PLEKHA8: variants seen among roughly 807,000 people sequenced by gnomAD.
PLEKHA8 encodes pleckstrin homology domain containing A8.
Under a neutral mutation model 68.2 loss-of-function variants are expected in PLEKHA8, and 36 were observed. The observed-to-expected ratio is 0.53, with a 90% CI of 0.40 to 0.70. The LOEUF (loss-of-function observed/expected upper bound fraction) is 0.70. PLEKHA8 is among the 30% of genes least tolerant of loss of function. The pLI is 0.00. For missense variants in PLEKHA8, 505 were observed against 615.4 expected (o/e 0.82, Z 1.90); for synonymous variants, 211 against 216.1 (o/e 0.98, Z 0.20).
At chr7:30,110,405 T>A (rs931517781) in intron 13 of PLEKHA8, among the ~76,000 whole-genome samples, 1 of 152,226 alleles carries the variant, frequency 6.6e-6, no homozygotes, top group African/African-American at 2.4e-5. Context: ...GGTGTTGTGT[T>A]GATCCATTCA....
At chr7:30,087,035 T>C (rs1795210379), downstream of PLEKHA8, among the ~76,000 whole-genome samples, 1 of 152,240 alleles carries the variant, frequency 6.6e-6, no homozygotes, top group Non-Finnish European at 1.5e-5. Flanking sequence ...GTGAATGCAT[T>C]GTCCTCAGAG....
intron 13 of PLEKHA8, among the ~76,000 whole-genome samples, chr7:30,125,432 A>G (rs1796756617): frequency 6.6e-6 from 1 of 152,244 alleles, no homozygotes; most frequent in African/African-American, 2.4e-5. Context: ...TTGGAAGCCA[A>G]GGAGCATCTG....
At position 30,052,875 on chromosome 7, in the gene PLEKHA8, AAAAGT is replaced by A; in HGVS notation, c.796+15_796+19del. On this transcript the variant is annotated intron_variant, in intron 7 of 13. Transcript: ENST00000449726. Reference sequence around the variant, plus strand: ...AGATGATAATATAACAGGTAAAAACAAAAGTAAAGTCTGAAACAAACCAATTTTAG... The same window carrying A: ...AGATGATAATATAACAGGTAAAAACAAAAGTCTGAAACAAACCAATTTTAG... 1 of 1,565,010 alleles carries A rather than the reference AAAAGT, an allele frequency of 6.4e-7. No individual in the cohort carries two copies. The highest frequency in any genetic ancestry group is 8.6e-7 in the Non-Finnish European group (1 of 1,164,410).
In PLEKHA8 at chr7:30,081,320, A is replaced by G. The variant is rs1254321737; in HGVS notation, c.*2533A>G. ...TAAGATGTATAAAAGTTTGTTTAAG[A>G]TGTGTAAAAGTTTGCTTAAGGAACT... On this transcript the variant is annotated 3_prime_UTR_variant, in exon 14 of 14. Coordinates refer to ENST00000449726, the MANE Select transcript of PLEKHA8 (RefSeq NM_001197026.2). 1 of 984,942 alleles carries G rather than the reference A, an allele frequency of 1.0e-6. No homozygotes were observed. The highest frequency in any genetic ancestry group is 1.7e-5 in the African/African-American group (1 of 57,228). 61.0% of individuals were successfully genotyped at this position (984,942 alleles called of 1,614,324 possible). A position where few individuals can be genotyped will look rare whatever the true frequency, so the allele number is the denominator to read the frequency against.
downstream of PLEKHA8, among the ~76,000 whole-genome samples, chr7:30,084,984 G>T (rs1795122398): frequency 6.9e-6 from 1 of 145,656 alleles, no homozygotes; most frequent in African/African-American, 2.6e-5. Flanking sequence ...TTGCTCTGTT[G>T]CCCAGGCTGG....
intron 1 of PLEKHA8, 33 bp downstream of exon 1, chr7:30,028,835 G>T: frequency 8.0e-7 from 1 of 1,252,942 alleles, no homozygotes; most frequent in Non-Finnish European, 1.0e-6. Context: ...GGGCGCGCCG[G>T]GGGCCGGTCC....
At chr7:30,048,882 AG>A (rs1792175914) in intron 4 of PLEKHA8, among the ~76,000 whole-genome samples, 1 of 152,220 alleles carries the variant, frequency 6.6e-6, no homozygotes. Flanking sequence ...AAAGCATTTC[AG>A]TCCTGCTCTT....
At chr7:30,055,605 T>TA (rs1471018777) in intron 9 of PLEKHA8, among the ~76,000 whole-genome samples, 2 of 152,118 alleles carry the variant, frequency 1.3e-5, no homozygotes, top group African/African-American at 4.8e-5. Flanking sequence ...TACATAAAAG[T>TA]AAAAAAAGTA....
chr7:30,110,658 G>A (rs6970659), intron 13 of PLEKHA8, among the ~76,000 whole-genome samples: 23,988 of 152,092 alleles, frequency 0.16, 2,013 homozygotes, highest in African/African-American at 0.22. Flanking sequence ...AAGGGATTCA[G>A]TTTCTTTACA....
At chr7:30,038,661 A>G (rs1036566023) in intron 1 of PLEKHA8, among the ~76,000 whole-genome samples, 4 of 152,168 alleles carry the variant, frequency 2.6e-5, no homozygotes, top group African/African-American at 9.7e-5. Flanking sequence ...CAAATAATGA[A>G]TTTTATTTTA....
chr7:30,103,437 C>T (rs891430311), intron 13 of PLEKHA8, among the ~76,000 whole-genome samples: 10 of 152,104 alleles, frequency 6.6e-5, no homozygotes, highest in Admixed American at 5.2e-4. Flanking sequence ...GTGTGCTAAT[C>T]CTAAAATGTA....
intron 9 of PLEKHA8, among the ~76,000 whole-genome samples, chr7:30,058,866 A>G (rs1793210143): frequency 6.6e-6 from 1 of 152,196 alleles, no homozygotes. Context: ...CTGGCTTATA[A>G]CTGTAATCCC....
chr7:30,111,457 A>T (rs1460828624), intron 13 of PLEKHA8, among the ~76,000 whole-genome samples: 1 of 150,414 alleles, frequency 6.6e-6, no homozygotes, highest in Non-Finnish European at 1.5e-5. Flanking sequence ...CTTATTTTAA[A>T]TTTTTTTCAT....
intron 12 of PLEKHA8, among the ~76,000 whole-genome samples, chr7:30,069,991 A>C (rs917253003): frequency 1.3e-5 from 2 of 152,170 alleles, no homozygotes; most frequent in African/African-American, 4.8e-5. Flanking sequence ...TATTACAGTG[A>C]AGATTAATGT....
chr7:30,096,085 G>A (rs771283226), intron 13 of PLEKHA8, among the ~76,000 whole-genome samples: 139 of 152,252 alleles, frequency 9.1e-4, no homozygotes, highest in Admixed American at 1.8e-3. Context: ...GCTTGATGGG[G>A]ATGGCATTTA....
At chr7:30,106,720 T>G (rs552385278) in intron 13 of PLEKHA8, among the ~76,000 whole-genome samples, 61 of 152,328 alleles carry the variant, frequency 4.0e-4, no homozygotes, top group Non-Finnish European at 1.0e-4. Context: ...CAAAAAAATT[T>G]CACGAAGTTC....
intron 13 of PLEKHA8, among the ~76,000 whole-genome samples, chr7:30,097,493 T>C (rs1201160282): frequency 6.6e-6 from 1 of 152,234 alleles, no homozygotes; most frequent in Non-Finnish European, 1.5e-5. Context: ...TCTTTTTACA[T>C]AGTCCCATAT....
chr7:30,057,781 G>T (rs904629278), intron 9 of PLEKHA8, among the ~76,000 whole-genome samples: 2 of 152,168 alleles, frequency 1.3e-5, no homozygotes, highest in African/African-American at 4.8e-5. Flanking sequence ...TATTATAAAT[G>T]AAATTGCTCT....
intron 13 of PLEKHA8, among the ~76,000 whole-genome samples, chr7:30,128,778 C>T (rs1251111955): frequency 2.0e-5 from 3 of 152,134 alleles, no homozygotes; most frequent in Admixed American, 6.6e-5. Context: ...AAGCATGGCA[C>T]CAACATCTGC....
Sources: allele counts gnomAD v4.1 joint callset (sites outside exome capture counted in the v4.1 genomes callset), GRCh38; gene constraint gnomAD v4.1.1; transcripts MANE v1.5; gene names NCBI Gene and HGNC (gene_info 2026-07-23, HGNC 2026-07-21).